Variants in SEMA6D observed in about 807,000 individuals in gnomAD.
SEMA6D encodes semaphorin-6D.
A neutral mutation model predicts 106.6 loss-of-function variants in SEMA6D; 35 were observed. The ratio of observed to expected loss-of-function variants is 0.33; its 90% CI spans 0.25 to 0.44. The LOEUF is 0.44. Among genes scored for constraint, SEMA6D ranks in the 20% least tolerant of loss-of-function variants. The pLI, the probability that SEMA6D is intolerant of heterozygous loss-of-function variation, is 1.00. For missense variants in SEMA6D, 1,185 were observed against 1,345.9 expected (o/e 0.88, Z 1.87); for synonymous variants, 499 against 487.7 (o/e 1.02, Z -0.31).
At chr15:47,459,137 A>G (rs2042426485) in intron 2 of SEMA6D, among the ~76,000 whole-genome samples, 2 of 152,082 alleles carry the variant, frequency 1.3e-5, no homozygotes, top group Non-Finnish European at 2.9e-5. Flanking sequence ...GTGAAACTCT[A>G]TCTCAGCAGA....
rs2032274056 is a variant in SEMA6D at position 47,232,535 on chromosome 15, G to A, written c.-239+48117G>A. On this transcript the variant is annotated intron_variant, in intron 1 of 19. Coordinates refer to the SEMA6D transcript ENST00000558014. ...TATTCTATGGGGGGAGGGTGTGTGTGTGTGTGTGTGTGTGTGTGTGTATTT... is the reference window on the plus strand; with the variant it reads ...TATTCTATGGGGGGAGGGTGTGTGTATGTGTGTGTGTGTGTGTGTGTATTT... Among the ~76,000 whole-genome samples the A allele has an allele frequency of 1.3e-5, 2 of 151,532 alleles. 1 individual carries two copies. The highest frequency in any genetic ancestry group is 4.2e-4 in the South Asian group (2 of 4,808).
chr15:47,751,366 A>G (rs1181966426), intron 1 of SEMA6D, among the ~76,000 whole-genome samples: 2 of 152,106 alleles, frequency 1.3e-5, no homozygotes, highest in Non-Finnish European at 2.9e-5. Flanking sequence ...GCCCTCTCTC[A>G]ACTTACCTAA....
At chr15:47,640,010 A>G (rs1596505533) in intron 4 of SEMA6D, among the ~76,000 whole-genome samples, 2 of 152,156 alleles carry the variant, frequency 1.3e-5, no homozygotes, top group East Asian at 3.8e-4. Context: ...TAAGGTATCA[A>G]TATCAGTTCA....
At chr15:47,194,094 G>A (rs1894166840) in intron 1 of SEMA6D, among the ~76,000 whole-genome samples, 1 of 151,706 alleles carries the variant, frequency 6.6e-6, no homozygotes, top group Admixed American at 6.6e-5. Context: ...TGGGTGGATG[G>A]GTGGATGGAT....
At chr15:47,391,176 G>A (rs925649412) in intron 1 of SEMA6D, among the ~76,000 whole-genome samples, 5 of 152,142 alleles carry the variant, frequency 3.3e-5, no homozygotes, top group African/African-American at 1.2e-4. Context: ...CTTCCCCCTA[G>A]TAAGTCACCA....
chr15:47,764,427 A>C, intron 11 of SEMA6D, 122 bp downstream of exon 11: 1 of 1,313,260 alleles, frequency 7.6e-7, no homozygotes, highest in South Asian at 1.5e-5. Context: ...TCTCTCAGAC[A>C]GAGCCAGCAG....
chr15:47,567,534 A>T (rs1012954785), intron 3 of SEMA6D, among the ~76,000 whole-genome samples: 5 of 152,110 alleles, frequency 3.3e-5, no homozygotes, highest in Non-Finnish European at 5.9e-5. Context: ...AAATCTTCCC[A>T]AAGTTCTTTC....
At chr15:47,355,577 A>G (rs899612251) in intron 1 of SEMA6D, among the ~76,000 whole-genome samples, 2 of 152,192 alleles carry the variant, frequency 1.3e-5, no homozygotes, top group African/African-American at 2.4e-5. Flanking sequence ...TCTAGAGACA[A>G]ACATCTGGTT....
intron 2 of SEMA6D, among the ~76,000 whole-genome samples, chr15:47,456,439 A>T (rs2042348301): frequency 6.6e-6 from 1 of 152,038 alleles, no homozygotes; most frequent in Admixed American, 6.6e-5. Flanking sequence ...TATCACACAC[A>T]GTCCTTAGAG....
chr15:47,740,173 C>T (rs989804989), intron 1 of SEMA6D, among the ~76,000 whole-genome samples: 1 of 152,166 alleles, frequency 6.6e-6, no homozygotes, highest in Non-Finnish European at 1.5e-5. Flanking sequence ...ACTCATTTTT[C>T]AGCCATTTTG....
At chr15:47,408,149 G>C (rs2040658619) in intron 1 of SEMA6D, among the ~76,000 whole-genome samples, 1 of 151,970 alleles carries the variant, frequency 6.6e-6, no homozygotes, top group Non-Finnish European at 1.5e-5. Context: ...AGAGGTGGTG[G>C]GTAAGACAAC....
intron 1 of SEMA6D, among the ~76,000 whole-genome samples, chr15:47,251,741 A>G (rs2033521948): frequency 1.3e-5 from 2 of 152,060 alleles, no homozygotes; most frequent in Non-Finnish European, 1.5e-5. Flanking sequence ...ATTTGTTATT[A>G]TAGCTATTCT....
chr15:47,385,618 T>C (rs1426597609), intron 1 of SEMA6D, among the ~76,000 whole-genome samples: 4 of 152,170 alleles, frequency 2.6e-5, no homozygotes, highest in African/African-American at 9.7e-5. Flanking sequence ...CCTTGCTTTT[T>C]ATATCTGCTT....
chr15:47,266,965 T>C (rs1170979730), intron 1 of SEMA6D, among the ~76,000 whole-genome samples: 1 of 152,178 alleles, frequency 6.6e-6, no homozygotes, highest in African/African-American at 2.4e-5. Flanking sequence ...ACAATTTTCA[T>C]CTGTTTCACT....
rs1346707127 is a variant in SEMA6D, at chr15:47,539,030, G to T, written c.-86-61835G>T. On this transcript the variant is annotated intron_variant, in intron 3 of 19. Transcript: ENST00000558014. ...GAAAAACCCTCTTCTTATTGAGAAT[G>T]TTCACACTGTGACTTAAGCTTCAGG... is the stretch of plus-strand genomic sequence containing the variant. 2.6e-4 allele frequency among the ~76,000 whole-genome samples: 40 copies of T among 152,168 alleles called. 1 individual carries two copies.
intron 3 of SEMA6D, among the ~76,000 whole-genome samples, chr15:47,543,731 A>G (rs2045431007): frequency 6.6e-6 from 1 of 152,036 alleles, no homozygotes; most frequent in Non-Finnish European, 1.5e-5. Flanking sequence ...TGTTTCCTTC[A>G]AGCTCTGGAA....
At chr15:47,311,436 A>G (rs2036444907) in intron 1 of SEMA6D, among the ~76,000 whole-genome samples, 1 of 152,156 alleles carries the variant, frequency 6.6e-6, no homozygotes. Flanking sequence ...TGGAGCCAAC[A>G]GGGGATCATG....
intron 2 of SEMA6D, among the ~76,000 whole-genome samples, chr15:47,449,999 T>C (rs2042140100): frequency 6.6e-6 from 1 of 151,998 alleles, no homozygotes; most frequent in Non-Finnish European, 1.5e-5. Flanking sequence ...GTGATCCTAG[T>C]GAGAGTTATT....
chr15:47,460,938 G>A (rs755948650), intron 2 of SEMA6D, among the ~76,000 whole-genome samples: 6 of 152,020 alleles, frequency 3.9e-5, no homozygotes, highest in African/African-American at 7.2e-5. Flanking sequence ...AGGCATGCTG[G>A]GTCCTGTCTG....
Sources: allele counts gnomAD v4.1 joint callset (sites outside exome capture counted in the v4.1 genomes callset), GRCh38; gene constraint gnomAD v4.1.1; transcripts MANE v1.5; gene names NCBI Gene and HGNC (gene_info 2026-07-23, HGNC 2026-07-21).